ABI1: variants seen among roughly 807,000 people sequenced by gnomAD.
The protein encoded by ABI1 is Abelson interactor 1.
In ABI1, 14 loss-of-function variants were observed where a neutral mutation model predicts 54.6. The ratio of observed to expected loss-of-function variants is 0.26; its 90% confidence interval spans 0.17 to 0.40. The LOEUF is 0.40. Ranked by LOEUF, ABI1 falls within the 10% of genes least tolerant of loss-of-function variation. ABI1 has a pLI of 1.00. For missense variants in ABI1, 443 were observed against 598.3 expected, an observed-to-expected ratio of 0.74 and a Z score of 2.71; for synonymous variants, 194 against 209.3, an observed-to-expected ratio of 0.93 and a Z score of 0.63.
At chr10:26,776,260 G>C (rs748576046) in intron 3 of ABI1, among the ~76,000 whole-genome samples, 1 of 152,166 alleles carries the variant, frequency 6.6e-6, no homozygotes, top group African/African-American at 2.4e-5. Flanking sequence ...GAATGTAACA[G>C]ATCTAGCAAC....
At chr10:26,773,829 C>G (rs540962302) in intron 3 of ABI1, among the ~76,000 whole-genome samples, 7 of 152,190 alleles carry the variant, frequency 4.6e-5, no homozygotes, top group African/African-American at 1.7e-4. Context: ...TGAACTTCTA[C>G]CTGCTTCATG....
chr10:26,769,540 C>A (rs1258621836), intron 5 of ABI1, among the ~76,000 whole-genome samples: 1 of 151,928 alleles, frequency 6.6e-6, no homozygotes, highest in African/African-American at 2.4e-5. Context: ...TAAAAGAAGA[C>A]TGATTGTTGA....
At chr10:26,822,213 A>G (rs549983686) in intron 2 of ABI1, among the ~76,000 whole-genome samples, 1 of 152,206 alleles carries the variant, frequency 6.6e-6, no homozygotes, top group Non-Finnish European at 1.5e-5. Context: ...AACAAATGCA[A>G]AGAAGCGTTT....
chr10:26,746,621 T>C lies in ABI1; in HGVS notation c.*1949A>G. ...TTGATGGGCAATTTATTTTTTTTTA[T>C]TGCAAAAGTTTTTTCAGAAAACTTT... On this transcript the variant is annotated 3_prime_UTR_variant, in exon 11 of 11. Transcript: ENST00000376140. 2.4e-6 allele frequency: 2 copies of C among 821,928 alleles called. No homozygotes were observed. Among genetic ancestry groups the C allele is most frequent in the Non-Finnish European group, 1.9e-6 (1 of 519,814 alleles). The allele number at this position is 821,928 out of a possible 1,614,324, so 50.9% of individuals were successfully genotyped here.
chr10:26,822,911 G>A (rs940845969), intron 2 of ABI1, among the ~76,000 whole-genome samples: 1 of 152,092 alleles, frequency 6.6e-6, no homozygotes, highest in Admixed American at 6.6e-5. Context: ...TAATGCTACT[G>A]AATTATACAC....
chr10:26,832,725 C>T (rs998380518), intron 1 of ABI1, among the ~76,000 whole-genome samples: 2 of 152,142 alleles, frequency 1.3e-5, no homozygotes, highest in African/African-American at 4.8e-5. Flanking sequence ...ATCTACTTTG[C>T]TGAAGGCCAA....
At chr10:26,816,953 ATTATATTTTTCCTAAGTAAT>A (rs1257371129) in intron 2 of ABI1, among the ~76,000 whole-genome samples, 6 of 150,646 alleles carry the variant, frequency 4.0e-5, no homozygotes, top group African/African-American at 1.5e-4. Context: ...ACTAGGTTCT[ATTATATTTTTCCTAAGTAAT>A]TTTGCAAAGA....
chr10:26,849,854 G>C (rs2050257037), intron 1 of ABI1, among the ~76,000 whole-genome samples: 1 of 152,160 alleles, frequency 6.6e-6, no homozygotes, highest in Non-Finnish European at 1.5e-5. Context: ...TCAACATTCA[G>C]AAGGTCTGCA....
Position 26,747,053 on chromosome 10 carries a change from T to C in ABI1, c.*1517A>G. ...TTGTTTAAAATTAACAAAGGCAAAA[T>C]GCATATGAAATAGTCACATTGATTT... On this transcript the variant is annotated 3_prime_UTR_variant, in exon 11 of 11. Transcript: ENST00000376140. 2 of 230,550 alleles carry C rather than the reference T, an allele frequency of 8.7e-6. No homozygotes were observed. Among genetic ancestry groups the C allele is most frequent in the Non-Finnish European group, 1.7e-5 (2 of 116,100 alleles). The allele number at this position is 230,550 out of a possible 1,614,324, so 14.3% of individuals were successfully genotyped here.
At chr10:26,816,065 T>A (rs1310515164) in intron 2 of ABI1, among the ~76,000 whole-genome samples, 1 of 152,222 alleles carries the variant, frequency 6.6e-6, no homozygotes, top group East Asian at 1.9e-4. Context: ...AGTTTATTGG[T>A]GAATGGTCTC....
At chr10:26,849,267 G>A (rs901042883) in intron 1 of ABI1, among the ~76,000 whole-genome samples, 4 of 151,974 alleles carry the variant, frequency 2.6e-5, no homozygotes, top group African/African-American at 9.7e-5. Flanking sequence ...CAATGTCACA[G>A]ACGATACTAG....
chr10:26,795,489 T>C (rs1038732670), intron 2 of ABI1, among the ~76,000 whole-genome samples: 4 of 152,034 alleles, frequency 2.6e-5, no homozygotes, highest in African/African-American at 9.7e-5. Context: ...TGTTCCTAAA[T>C]ACAGAAAACC....
At chr10:26,766,260 C>G (rs1450323173) in intron 6 of ABI1, among the ~76,000 whole-genome samples, 1 of 152,190 alleles carries the variant, frequency 6.6e-6, no homozygotes, top group Non-Finnish European at 1.5e-5. Flanking sequence ...ATTCTACTTC[C>G]TGTGGATGTA....
chr10:26,817,739 G>T (rs892193096), intron 2 of ABI1, among the ~76,000 whole-genome samples: 5 of 151,990 alleles, frequency 3.3e-5, no homozygotes, highest in African/African-American at 7.2e-5. Context: ...AATAAACAGG[G>T]ATAAAAAGCA....
intron 1 of ABI1, among the ~76,000 whole-genome samples, chr10:26,838,476 A>G (rs867689939): frequency 1.3e-5 from 2 of 152,200 alleles, no homozygotes; most frequent in South Asian, 4.1e-4. Flanking sequence ...AAGGTGAGTA[A>G]GCCTACGACA....
chr10:26,832,002 A>C (rs2048708031), intron 1 of ABI1, among the ~76,000 whole-genome samples: 2 of 152,248 alleles, frequency 1.3e-5, no homozygotes, highest in South Asian at 2.1e-4. Context: ...TTACAACAAA[A>C]ACTTGGCTTC....
intron 2 of ABI1, among the ~76,000 whole-genome samples, chr10:26,820,753 A>G (rs915008960): frequency 1.8e-4 from 28 of 151,832 alleles, no homozygotes; most frequent in African/African-American, 6.8e-4. Context: ...ACGCCCGGCT[A>G]ATTTTTGTAT....
intron 3 of ABI1, among the ~76,000 whole-genome samples, chr10:26,772,167 A>C (rs1434768204): frequency 6.6e-6 from 1 of 152,114 alleles, no homozygotes; most frequent in Admixed American, 6.6e-5. Flanking sequence ...GTTTAAAATG[A>C]TACTGCTTAC....
chr10:26,767,699 G>C (rs1401064917), intron 6 of ABI1, among the ~76,000 whole-genome samples: 3 of 152,210 alleles, frequency 2.0e-5, no homozygotes, highest in African/African-American at 7.2e-5. Flanking sequence ...GTTATGCTCT[G>C]TAACTAAATT....
Sources: allele counts gnomAD v4.1 joint callset (sites outside exome capture counted in the v4.1 genomes callset), GRCh38; gene constraint gnomAD v4.1.1; transcripts MANE v1.5; gene names NCBI Gene and HGNC (gene_info 2026-07-23, HGNC 2026-07-21).